The following DPP10 variants were observed in gnomAD, a reference collection of about 807,000 sequenced individuals.
DPP10 encodes the protein inactive dipeptidyl peptidase 10.
DPP10 carries 33 observed loss-of-function variants against 120.9 expected under a neutral mutation model. The observed-to-expected ratio is 0.27, with a 90% CI of 0.21 to 0.37. DPP10 has a LOEUF of 0.37. Ranked by LOEUF, DPP10 falls within the 10% of genes least tolerant of loss-of-function variation. DPP10 has a pLI of 1.00. For synonymous variants in DPP10, 337 were observed against 326.1 expected, an observed-to-expected ratio of 1.03 and a Z score of -0.36; for missense variants, 816 against 942.8, an observed-to-expected ratio of 0.87 and a Z score of 1.76.
chr2:115,015,380 C>A (rs1331716941), intron 1 of DPP10, among the ~76,000 whole-genome samples: 1 of 152,068 alleles, frequency 6.6e-6, no homozygotes, highest in African/African-American at 2.4e-5. Flanking sequence ...TATGACAAAC[C>A]CACAGCCTAT....
At chr2:115,475,251 C>G (rs147032384) in intron 3 of DPP10, among the ~76,000 whole-genome samples, 6 of 152,194 alleles carry the variant, frequency 3.9e-5, no homozygotes, top group African/African-American at 1.4e-4. Flanking sequence ...GGACACTACT[C>G]CCTGCATCCC....
chr2:115,280,578 T>C (rs2060118143), intron 1 of DPP10, among the ~76,000 whole-genome samples: 1 of 152,220 alleles, frequency 6.6e-6, no homozygotes, highest in Non-Finnish European at 1.5e-5. Flanking sequence ...AATAGTTTGC[T>C]AAAAAGCAAG....
intron 5 of DPP10, among the ~76,000 whole-genome samples, chr2:115,636,598 AAGAG>A (rs916517893): frequency 4.6e-5 from 7 of 151,974 alleles, no homozygotes; most frequent in South Asian, 4.1e-4. Context: ...GAGACAGAAA[AAGAG>A]AGAGAGTGAG....
chr2:115,624,684 A>G (rs2085223429), intron 5 of DPP10, among the ~76,000 whole-genome samples: 1 of 152,228 alleles, frequency 6.6e-6, no homozygotes, highest in Admixed American at 6.5e-5. Flanking sequence ...CACCGAGTAG[A>G]TGGTTGGCAT....
intron 5 of DPP10, among the ~76,000 whole-genome samples, chr2:115,562,027 A>G (rs2080718128): frequency 6.6e-6 from 1 of 152,184 alleles, no homozygotes; most frequent in Non-Finnish European, 1.5e-5. Flanking sequence ...TTTATAGGTG[A>G]TGACAATGTT....
chr2:114,809,017 A>G (rs915503428), intron 1 of DPP10, among the ~76,000 whole-genome samples: 17 of 128,114 alleles, frequency 1.3e-4, no homozygotes, highest in African/African-American at 4.4e-4. Flanking sequence ...TTTTGAATTA[A>G]TGCATTTTTA....
chr2:115,471,258 C>A (rs527776669), intron 3 of DPP10, among the ~76,000 whole-genome samples: 140 of 152,260 alleles, frequency 9.2e-4, no homozygotes, highest in African/African-American at 3.2e-3. Context: ...TGAGAGTCAG[C>A]TAAGTGGGGA....
At chr2:114,473,097 A>T (rs1558789565) in intron 1 of DPP10, among the ~76,000 whole-genome samples, 1 of 151,886 alleles carries the variant, frequency 6.6e-6, no homozygotes, top group Non-Finnish European at 1.5e-5. Flanking sequence ...GCTTATTATC[A>T]TTTTTTTTCT....
At chr2:115,503,378 C>T (rs931976698) in intron 4 of DPP10, among the ~76,000 whole-genome samples, 5 of 151,980 alleles carry the variant, frequency 3.3e-5, no homozygotes, top group African/African-American at 9.7e-5. Flanking sequence ...GTGATAGATC[C>T]AACTCTGTAC....
chr2:115,790,372 C>T (rs531711438), intron 17 of DPP10, among the ~76,000 whole-genome samples: 2 of 152,246 alleles, frequency 1.3e-5, no homozygotes, highest in East Asian at 3.9e-4. Flanking sequence ...AGCCACCGCG[C>T]CCGGCCTAGA....
chr2:114,525,333 C>T (rs539337455), intron 1 of DPP10, among the ~76,000 whole-genome samples: 9 of 152,254 alleles, frequency 5.9e-5, no homozygotes, highest in South Asian at 4.1e-4. Context: ...TAAAGAGGCC[C>T]TCTTCAGTAC....
chr2:115,143,185 G>C (rs1392025093), intron 1 of DPP10, among the ~76,000 whole-genome samples: 1 of 152,194 alleles, frequency 6.6e-6, no homozygotes, highest in Non-Finnish European at 1.5e-5. Context: ...CAGTGGATGA[G>C]CATGGTGCTG....
At chr2:115,145,468 A>C (rs765359692) in intron 1 of DPP10, among the ~76,000 whole-genome samples, 1 of 152,188 alleles carries the variant, frequency 6.6e-6, no homozygotes, top group Non-Finnish European at 1.5e-5. Flanking sequence ...AATGCATTTT[A>C]ATAGCTTCAC....
rs200810269 is a variant in DPP10 at position 115,025,764 on chromosome 2, C to CA, written c.61-283475_61-283474insA. ...ATTTTTTATGATCAGTGATGTTGAGCTTTTTTTTATATATACCTCTTGGTC... is the reference window on the plus strand; with the variant it reads ...ATTTTTTATGATCAGTGATGTTGAGCATTTTTTTTATATATACCTCTTGGTC... On this transcript the variant is annotated intron_variant, in intron 1 of 25. Coordinates refer to ENST00000410059, the MANE Select transcript of DPP10 (RefSeq NM_020868.6). 3.1e-3 allele frequency among the ~76,000 whole-genome samples: 465 copies of CA among 151,936 alleles called. 3 individuals are homozygous for CA. Among genetic ancestry groups the CA allele is most frequent in the African/African-American group, 0.011 (439 of 41,466 alleles).
chr2:115,701,785 GATTA>G (rs2091899996), intron 7 of DPP10, among the ~76,000 whole-genome samples: 1 of 151,874 alleles, frequency 6.6e-6, no homozygotes, highest in Admixed American at 6.6e-5. Flanking sequence ...AAAGCAACCT[GATTA>G]ATTCCAAAAT....
intron 1 of DPP10, among the ~76,000 whole-genome samples, chr2:115,089,435 A>G (rs1311468009): frequency 6.6e-6 from 1 of 152,232 alleles, no homozygotes; most frequent in Non-Finnish European, 1.5e-5. Flanking sequence ...ATCCCTAATG[A>G]GCACTCTGCC....
intron 7 of DPP10, among the ~76,000 whole-genome samples, chr2:115,724,836 G>T (rs1032110952): frequency 6.6e-6 from 1 of 152,190 alleles, no homozygotes; most frequent in Non-Finnish European, 1.5e-5. Context: ...ACTCATGGCA[G>T]AAGGTAAAGC....
At chr2:114,537,213 G>A (rs558842738) in intron 1 of DPP10, among the ~76,000 whole-genome samples, 75 of 152,302 alleles carry the variant, frequency 4.9e-4, no homozygotes, top group African/African-American at 1.8e-3. Context: ...AGGGATGTGA[G>A]TTGGATAGAA....
In DPP10 at chr2:115,836,143, T is replaced by TA. The variant is rs772177473; in HGVS notation, c.1951-14_1951-13insA. 8 of 1,406,892 alleles carry TA rather than the reference T, an allele frequency of 5.7e-6. No homozygotes were observed. Among genetic ancestry groups the TA allele is most frequent in the African/African-American group, 3.5e-5 (2 of 56,448 alleles). 87.2% of individuals were successfully genotyped at this position (1,406,892 alleles called of 1,614,324 possible). ...AGATATATATATATATATATATATATTTTTCCCCCCCAGGGTTATGGTGGC... is the reference window on the plus strand; with the variant it reads ...AGATATATATATATATATATATATATATTTTCCCCCCCAGGGTTATGGTGGC... On this transcript the variant is annotated splice_polypyrimidine_tract_variant and intron_variant, in intron 21 of 25. Coordinates refer to ENST00000410059, the MANE Select transcript of DPP10 (RefSeq NM_020868.6).
Sources: gnomAD v4.1 joint callset for allele counts (sites outside exome capture counted in the v4.1 genomes callset) on GRCh38, gnomAD v4.1.1 for gene constraint, MANE v1.5 for transcripts, NCBI Gene and HGNC (gene_info 2026-07-23, HGNC 2026-07-21) for gene names.